The following SLC14A2 variants were observed in gnomAD, a reference collection of about 807,000 sequenced individuals.
The protein encoded by SLC14A2 is solute carrier family 14 member 2.
Under a neutral mutation model 104.6 loss-of-function variants are expected in SLC14A2, and 91 were observed. The observed-to-expected ratio is 0.87, with a 90% confidence interval of 0.73 to 1.04. The LOEUF is 1.04. SLC14A2 is among the 50% of genes least tolerant of loss of function. SLC14A2 has a pLI of 0.00. For synonymous variants in SLC14A2, 476 were observed against 466.4 expected, an observed-to-expected ratio of 1.02 and a Z score of -0.27; for missense variants, 1,189 against 1,156.0, an observed-to-expected ratio of 1.03 and a Z score of -0.41.
chr18:45,230,497 C>T (rs1321611871), intron 1 of SLC14A2, among the ~76,000 whole-genome samples: 1 of 152,176 alleles, frequency 6.6e-6, no homozygotes, highest in Non-Finnish European at 1.5e-5. Context: ...TGGTCACAGC[C>T]AGGAAAGATT....
intron 1 of SLC14A2, among the ~76,000 whole-genome samples, chr18:45,219,691 ATTGT>A (rs2084043258): frequency 1.3e-5 from 2 of 152,190 alleles, no homozygotes; most frequent in African/African-American, 4.8e-5. Context: ...TAAATTTCTT[ATTGT>A]TTGTCTTTAA....
chr18:45,320,452 G>T (rs968724305), intron 1 of SLC14A2, among the ~76,000 whole-genome samples: 2 of 152,186 alleles, frequency 1.3e-5, no homozygotes, highest in African/African-American at 4.8e-5. Flanking sequence ...ATTCCCCAAA[G>T]ACATGACTCC....
chr18:45,418,523 C>G (rs2086303168), intron 1 of SLC14A2, among the ~76,000 whole-genome samples: 1 of 152,164 alleles, frequency 6.6e-6, no homozygotes, highest in Non-Finnish European at 1.5e-5. Flanking sequence ...GAAAAGCCAG[C>G]ATTTGTCAAG....
chr18:45,651,417 A>G (rs936063291), intron 10 of SLC14A2, among the ~76,000 whole-genome samples: 1 of 152,168 alleles, frequency 6.6e-6, no homozygotes, highest in African/African-American at 2.4e-5. Flanking sequence ...TGTCTGCAGT[A>G]TTAGGTAATG....
At chr18:45,426,809 G>A (rs140754402) in intron 1 of SLC14A2, among the ~76,000 whole-genome samples, 3 of 151,718 alleles carry the variant, frequency 2.0e-5, no homozygotes, top group Non-Finnish European at 4.4e-5. Context: ...TATTGTCCCA[G>A]GTTCCTGGTT....
intron 1 of SLC14A2, among the ~76,000 whole-genome samples, chr18:45,353,116 C>T (rs1269725538): frequency 1.3e-5 from 2 of 152,196 alleles, no homozygotes; most frequent in African/African-American, 2.4e-5. Context: ...GTTACATAAG[C>T]ATACACCTAA....
chr18:45,635,561 C>T (rs2045405834), intron 5 of SLC14A2, among the ~76,000 whole-genome samples: 1 of 152,132 alleles, frequency 6.6e-6, no homozygotes, highest in Non-Finnish European at 1.5e-5. Flanking sequence ...GGACAAGAGC[C>T]ATTTCCATGG....
intron 2 of SLC14A2, among the ~76,000 whole-genome samples, chr18:45,565,090 G>A (rs1426676583): frequency 6.6e-6 from 1 of 151,016 alleles, no homozygotes; most frequent in Non-Finnish European, 1.5e-5. Context: ...ATGAGTGCCT[G>A]CAACTATGGT....
In SLC14A2 at chr18:45,347,981, T is replaced by C. The variant is rs182374176; in HGVS notation, c.-125+134790T>C. Reference sequence around the variant, plus strand: ...GCTCCCGAAAAAACCAGAAGTGTCATCTGTGCATTCCCATGGCACCTCATA... The same window carrying C: ...GCTCCCGAAAAAACCAGAAGTGTCACCTGTGCATTCCCATGGCACCTCATA... On this transcript the variant is annotated intron_variant, in intron 1 of 20. Transcript: ENST00000586448. Among the ~76,000 whole-genome samples, 253 of 152,358 alleles carry C rather than the reference T, an allele frequency of 1.7e-3. 2 individuals are homozygous for C. The highest frequency in any genetic ancestry group is 5.7e-3 in the African/African-American group (239 of 41,588).
At chr18:45,630,164 C>T (rs1424168614) in intron 4 of SLC14A2, among the ~76,000 whole-genome samples, 3 of 152,118 alleles carry the variant, frequency 2.0e-5, no homozygotes, top group Non-Finnish European at 4.4e-5. Flanking sequence ...TCCAATGGGC[C>T]ATATACACCC....
At chr18:45,395,799 C>A (rs2086023341) in intron 1 of SLC14A2, among the ~76,000 whole-genome samples, 1 of 152,112 alleles carries the variant, frequency 6.6e-6, no homozygotes, top group African/African-American at 2.4e-5. Context: ...TGGGGTTTGG[C>A]CACCTCAACA....
At chr18:45,195,584 GTTTC>G in the SLC14A2 span, among the ~76,000 whole-genome samples, 1 of 152,104 alleles carries the variant, frequency 6.6e-6, no homozygotes, top group African/African-American at 2.4e-5. Context: ...TAGAGATGGG[GTTTC>G]TTTATGTTGG....
At position 45,639,891 on chromosome 18, in the gene SLC14A2, C is replaced by T. The variant is rs2045492053; in HGVS notation, c.989C>T (p.Ala330Val). The T allele has an allele frequency of 1.2e-6, 2 of 1,612,738 alleles. No homozygotes were observed. Among genetic ancestry groups the T allele is most frequent in the East Asian group, 4.5e-5 (2 of 44,858 alleles). The change falls in exon 7 of 20, where the codon GCA (alanine) becomes GTA (valine). Residue 330 changes from alanine to valine, a missense_variant and splice_region_variant. Transcript: ENST00000255226. The part of the protein sequence containing the change: ...AAIGSIVGLL[A>V]ALSVATPFET... ...ATTGGCTCAATCGTGGGGCTGCTAGCAGGTAGGACAGAGCTCCCTCTCTTC... is the reference window on the plus strand; with the variant it reads ...ATTGGCTCAATCGTGGGGCTGCTAGTAGGTAGGACAGAGCTCCCTCTCTTC...
intron 1 of SLC14A2, among the ~76,000 whole-genome samples, chr18:45,455,354 AG>A (rs1237669712): frequency 2.6e-5 from 4 of 152,286 alleles, no homozygotes; most frequent in Admixed American, 2.6e-4. Context: ...AGGGACATGG[AG>A]GAAGCTGGAA....
chr18:45,538,850 C>CTTTT (rs61475766), intron 2 of SLC14A2, among the ~76,000 whole-genome samples: 95 of 105,222 alleles, frequency 9.0e-4, no homozygotes, highest in African/African-American at 1.8e-3. Flanking sequence ...TCCCCCTTCC[C>CTTTT]TTTTTTTTTT....
At chr18:45,342,954 A>C (rs924319616) in intron 1 of SLC14A2, among the ~76,000 whole-genome samples, 12 of 152,246 alleles carry the variant, frequency 7.9e-5, no homozygotes, top group African/African-American at 2.9e-4. Context: ...TCAGACCTTT[A>C]ATCAGTCTTT....
At chr18:45,180,309 ACTCAT>A in the SLC14A2 span, among the ~76,000 whole-genome samples, 1 of 152,056 alleles carries the variant, frequency 6.6e-6, no homozygotes, top group African/African-American at 2.4e-5. Flanking sequence ...CAATATTAGC[ACTCAT>A]CTCATAGGGC....
chr18:45,477,378 C>G (rs1245476546), intron 1 of SLC14A2, among the ~76,000 whole-genome samples: 5 of 152,168 alleles, frequency 3.3e-5, no homozygotes, highest in Non-Finnish European at 7.3e-5. Context: ...GGGGTACCCA[C>G]AAGATGCCAG....
intron 1 of SLC14A2, among the ~76,000 whole-genome samples, chr18:45,318,383 C>G (rs1359527441): frequency 6.6e-6 from 1 of 152,184 alleles, no homozygotes; most frequent in Non-Finnish European, 1.5e-5. Context: ...GAGGAACAAG[C>G]TTCTGCTGAG....
Sources: allele counts gnomAD v4.1 joint callset (sites outside exome capture counted in the v4.1 genomes callset), GRCh38; gene constraint gnomAD v4.1.1; transcripts MANE v1.5; gene names NCBI Gene and HGNC (gene_info 2026-07-23, HGNC 2026-07-21).